The following RBMS3 variants were observed in gnomAD, a reference collection of about 807,000 sequenced individuals.
RBMS3 encodes the protein RNA binding motif single stranded interacting protein 3, also known as RNA-binding motif, single-stranded-interacting protein 3.
A neutral mutation model predicts 66.8 loss-of-function variants in RBMS3; 27 were observed. The ratio of observed to expected loss-of-function variants is 0.40; its 90% CI spans 0.30 to 0.56. RBMS3 has a LOEUF of 0.56. Among genes scored for constraint, RBMS3 ranks in the 20% least tolerant of loss-of-function variants. The probability of loss-of-function intolerance (pLI) is 0.40; values close to 1 mark genes in which losing one functional copy is unlikely to be tolerated. For missense variants in RBMS3, 513 were observed against 549.5 expected (o/e 0.93, Z 0.66); for synonymous variants, 188 against 183.0 (o/e 1.03, Z -0.22).
intron 6 of RBMS3, among the ~76,000 whole-genome samples, chr3:29,820,392 GATCT>G: frequency 6.6e-6 from 1 of 151,634 alleles, no homozygotes; most frequent in African/African-American, 2.4e-5. Flanking sequence ...TGATAGATTT[GATCT>G]ATTAATTAGA....
intron 3 of RBMS3, among the ~76,000 whole-genome samples, chr3:29,508,788 A>G (rs1027174410): frequency 6.6e-6 from 1 of 150,378 alleles, no homozygotes; most frequent in Non-Finnish European, 1.5e-5. Flanking sequence ...GTCTTCCACA[A>G]TTGTTGAACT....
intron 6 of RBMS3, among the ~76,000 whole-genome samples, chr3:29,846,877 A>G (rs2058794091): frequency 6.6e-6 from 1 of 152,212 alleles, no homozygotes. Context: ...CCTTGTTTTA[A>G]AAAGAACTAT....
At chr3:29,901,208 T>A (rs189019982) in intron 10 of RBMS3, among the ~76,000 whole-genome samples, 2 of 151,838 alleles carry the variant, frequency 1.3e-5, no homozygotes, top group East Asian at 3.9e-4. Flanking sequence ...TAAGGTAAAA[T>A]TCAGTTTGTG....
At chr3:29,742,903 G>C (rs914159569) in intron 5 of RBMS3, among the ~76,000 whole-genome samples, 1 of 152,184 alleles carries the variant, frequency 6.6e-6, no homozygotes, top group Non-Finnish European at 1.5e-5. Flanking sequence ...ATTTCAGAAA[G>C]TGCCATGTGG....
At chr3:29,784,755 G>A (rs932361738) in intron 6 of RBMS3, among the ~76,000 whole-genome samples, 2 of 151,926 alleles carry the variant, frequency 1.3e-5, no homozygotes, top group Non-Finnish European at 2.9e-5. Flanking sequence ...CTCATTTTTT[G>A]AAACGATAAA....
At chr3:29,736,768 T>G (rs1479831566) in intron 4 of RBMS3, among the ~76,000 whole-genome samples, 1 of 152,202 alleles carries the variant, frequency 6.6e-6, no homozygotes, top group African/African-American at 2.4e-5. Flanking sequence ...ATTCTGATTC[T>G]TCCCAGTAAA....
At chr3:29,760,286 TAC>T (rs146043452) in intron 5 of RBMS3, among the ~76,000 whole-genome samples, 2 of 145,894 alleles carry the variant, frequency 1.4e-5, no homozygotes, top group East Asian at 2.0e-4. Context: ...CACACACCCC[TAC>T]ACACACACAC....
rs2047547991 is a variant in RBMS3 at position 29,587,196 on chromosome 3, G to A, written c.390G>A (p.Gln130=). ...TCAAGGCAAATGGCGTGCAGGCACAGATGGCTAAGGTAAGATTGATGTTTA... is the reference window on the plus strand; with the variant it reads ...TCAAGGCAAATGGCGTGCAGGCACAAATGGCTAAGGTAAGATTGATGTTTA... ...ASLKANGVQA[Q]MAKQQEQDPT... is the part of the protein sequence containing the mutation. Residue 130 remains glutamine, a synonymous_variant, in exon 4 of 15, where the codon CAG becomes CAA. Coordinates refer to ENST00000383767, the MANE Select transcript of RBMS3 (RefSeq NM_001003793.3). The A allele has an allele frequency of 7.2e-7, 1 of 1,379,816 alleles. No individual in the cohort carries two copies. The highest frequency in any genetic ancestry group is 1.9e-5 in the Admixed American group (1 of 54,004). 85.5% of individuals were successfully genotyped at this position (1,379,816 alleles called of 1,614,324 possible).
At chr3:29,455,887 A>T (rs565260910) in intron 2 of RBMS3, among the ~76,000 whole-genome samples, 4 of 152,320 alleles carry the variant, frequency 2.6e-5, no homozygotes, top group African/African-American at 9.6e-5. Context: ...AAGAGAGCTG[A>T]AACAAGAAGG....
chr3:29,471,449 C>A (rs769654661), intron 2 of RBMS3, among the ~76,000 whole-genome samples: 5 of 152,122 alleles, frequency 3.3e-5, no homozygotes, highest in Non-Finnish European at 7.4e-5. Context: ...GGCTTCCCCA[C>A]GATTAAAGTT....
intron 4 of RBMS3, among the ~76,000 whole-genome samples, chr3:29,662,036 T>C (rs1439734469): frequency 6.6e-6 from 1 of 152,230 alleles, no homozygotes; most frequent in Non-Finnish European, 1.5e-5. Context: ...CATTTTATTA[T>C]AATTGTCAGC....
intron 6 of RBMS3, among the ~76,000 whole-genome samples, chr3:29,850,476 GA>G (rs1223307370): frequency 2.6e-5 from 4 of 152,098 alleles, no homozygotes; most frequent in African/African-American, 9.7e-5. Context: ...CTTCCACTGA[GA>G]CTCTGATATT....
At chr3:29,615,271 C>T (rs2048626780) in intron 4 of RBMS3, 3 of 152,148 alleles carry the variant, frequency 2.0e-5, no homozygotes, top group Admixed American at 2.0e-4. Flanking sequence ...TTTCAAACAA[C>T]TGTGGAAGAT....
At chr3:29,331,912 A>T (rs1320179169) in intron 1 of RBMS3, among the ~76,000 whole-genome samples, 1 of 146,054 alleles carries the variant, frequency 6.8e-6, no homozygotes, top group East Asian at 2.1e-4. Context: ...CTATTAGAGC[A>T]CAGGCCACAT....
intron 1 of RBMS3, among the ~76,000 whole-genome samples, chr3:29,399,813 G>A (rs571341273): frequency 2.6e-5 from 4 of 152,204 alleles, no homozygotes; most frequent in Admixed American, 2.0e-4. Flanking sequence ...CTGATAGGCA[G>A]GTAGAGAAGT....
chr3:29,437,975 G>GA (rs1263272382), intron 2 of RBMS3, among the ~76,000 whole-genome samples: 1 of 151,384 alleles, frequency 6.6e-6, no homozygotes, highest in East Asian at 1.9e-4. Context: ...CCTGATGGCT[G>GA]AAAAAACCTT....
At chr3:29,982,682 T>A (rs1698076918) in intron 12 of RBMS3, among the ~76,000 whole-genome samples, 1 of 152,250 alleles carries the variant, frequency 6.6e-6, no homozygotes, top group South Asian at 2.1e-4. Context: ...CCAGTAGTCA[T>A]TCAGGAGAAG....
chr3:29,876,773 A>G (rs2059618796), intron 7 of RBMS3, among the ~76,000 whole-genome samples: 1 of 152,124 alleles, frequency 6.6e-6, no homozygotes, highest in East Asian at 1.9e-4. Flanking sequence ...CCCAGGGGTA[A>G]TGCTCCAGGG....
intron 1 of RBMS3, among the ~76,000 whole-genome samples, chr3:29,339,170 C>T (rs1220643929): frequency 6.6e-6 from 1 of 152,204 alleles, no homozygotes; most frequent in Non-Finnish European, 1.5e-5. Flanking sequence ...TGCCGTAATT[C>T]TTCTGGAGAT....
Sources: allele counts gnomAD v4.1 joint callset (sites outside exome capture counted in the v4.1 genomes callset), GRCh38; gene constraint gnomAD v4.1.1; transcripts MANE v1.5; gene names NCBI Gene and HGNC (gene_info 2026-07-23, HGNC 2026-07-21).